ANKMY1: variants seen among roughly 807,000 people sequenced by gnomAD.
ANKMY1 encodes the protein ankyrin repeat and MYND domain containing 1.
In ANKMY1, 98 loss-of-function variants were observed where a neutral mutation model predicts 102.0. That is an observed-to-expected ratio of 0.96 (90% confidence interval 0.82 to 1.14). The LOEUF is 1.14. Ranked by LOEUF, ANKMY1 falls within the 50% of genes most tolerant of loss-of-function variation. The pLI, the probability that ANKMY1 is intolerant of heterozygous loss-of-function variation, is 0.00. For synonymous variants in ANKMY1, 582 were observed against 559.9 expected (o/e 1.04, Z -0.56); for missense variants, 1,330 against 1,347.6 (o/e 0.99, Z 0.20).
chr2:240,553,064 G>A lies in ANKMY1; in HGVS notation c.337-7C>T, dbSNP rs755311374. The A allele has an allele frequency of 3.7e-6, 6 of 1,610,980 alleles. No homozygotes were observed. Among genetic ancestry groups the A allele is most frequent in the Non-Finnish European group, 5.1e-6 (6 of 1,177,566 alleles). On this transcript the variant is annotated splice_polypyrimidine_tract_variant and splice_region_variant and intron_variant, in intron 3 of 17. Coordinates refer to ENST00000401804, the MANE Select transcript of ANKMY1 (RefSeq NM_001282771.3). Reference sequence around the variant, plus strand: ...AAAACTGCCCATGGTATGACTGTGAGATGGAGAAGTTGGTGAGAAATTGCT... The same window carrying A: ...AAAACTGCCCATGGTATGACTGTGAAATGGAGAAGTTGGTGAGAAATTGCT...
In ANKMY1 at chr2:240,517,580, C is replaced by T. The variant is rs141851279; in HGVS notation, c.2004+2782G>A. Among the ~76,000 whole-genome samples the T allele has an allele frequency of 2.5e-3, 375 of 152,212 alleles. 1 individual carries two copies. The highest frequency in any genetic ancestry group is 3.2e-3 in the Non-Finnish European group (220 of 68,002). Reference sequence around the variant, plus strand: ...ACCCTAGCACTTCGGGAGGCCAAGGCGGGAGGACTGCTTGAGTCCAGGAGT... The same window carrying T: ...ACCCTAGCACTTCGGGAGGCCAAGGTGGGAGGACTGCTTGAGTCCAGGAGT... On this transcript the variant is annotated intron_variant, in intron 9 of 17. Coordinates refer to ENST00000401804, the MANE Select transcript of ANKMY1 (RefSeq NM_001282771.3).
intron 12 of ANKMY1, 79 bp downstream of exon 12, chr2:240,509,269 C>T: frequency 8.3e-7 from 1 of 1,204,414 alleles, no homozygotes. Flanking sequence ...ACTTCAAATC[C>T]CAATGACGGA....
At chr2:240,542,230 A>AGGCATAGT (rs1392099200) in intron 4 of ANKMY1, among the ~76,000 whole-genome samples, 1 of 151,016 alleles carries the variant, frequency 6.6e-6, no homozygotes, top group Non-Finnish European at 1.5e-5. Context: ...AAAAAGGGCC[A>AGGCATAGT]GGCATAGTGG....
intron 9 of ANKMY1, among the ~76,000 whole-genome samples, chr2:240,516,150 GT>G (rs386393036): frequency 1.6e-4 from 23 of 145,238 alleles, no homozygotes; most frequent in South Asian, 4.3e-4. Context: ...TTTTTGTGGG[GT>G]TTTTTTTTTT....
At chr2:240,534,554 G>A (rs1163916488) in intron 4 of ANKMY1, among the ~76,000 whole-genome samples, 1 of 150,730 alleles carries the variant, frequency 6.6e-6, no homozygotes, top group Non-Finnish European at 1.5e-5. Flanking sequence ...GCGAGCCGTG[G>A]TCACACCACT....
At position 240,507,542 on chromosome 2, in the gene ANKMY1, C is replaced by A. The variant is rs368319634; in HGVS notation, c.2526+18G>T. The A allele has an allele frequency of 2.5e-6, 4 of 1,596,512 alleles. No homozygotes were observed. In the African/African-American group the frequency reaches 5.4e-5, roughly 21 times the overall value. On this transcript the variant is annotated intron_variant, in intron 13 of 17. Coordinates refer to ENST00000401804, the MANE Select transcript of ANKMY1 (RefSeq NM_001282771.3). ...TCAAACCCCCTCACCAGGGCCACCC[C>A]AGCCTCCTGCCCCTCACCAGGGCCA...
intron 4 of ANKMY1, among the ~76,000 whole-genome samples, chr2:240,538,357 G>A (rs1328461146): frequency 6.6e-6 from 1 of 152,196 alleles, no homozygotes; most frequent in Non-Finnish European, 1.5e-5. Flanking sequence ...CGTGGGCTCG[G>A]GGGGCCCACA....
At chr2:240,497,957 C>T (rs1427577724) in intron 15 of ANKMY1, among the ~76,000 whole-genome samples, 1 of 152,190 alleles carries the variant, frequency 6.6e-6, no homozygotes, top group South Asian at 2.1e-4. Context: ...CCTGGTCCTC[C>T]GCTCATGGGC....
upstream of ANKMY1, chr2:240,560,971 G>C: frequency 6.6e-7 from 1 of 1,518,226 alleles, no homozygotes; most frequent in Non-Finnish European, 8.7e-7. Context: ...GTGCGCGCCG[G>C]CGGCGCCTGC....
At chr2:240,558,062 C>G, upstream of ANKMY1, 1 of 858,544 alleles carries the variant, frequency 1.2e-6, no homozygotes, top group Non-Finnish European at 1.4e-6. Context: ...CCAATCCCCC[C>G]GCCAGGACGC....
chr2:240,533,926 C>G (rs1008642085), intron 4 of ANKMY1, among the ~76,000 whole-genome samples: 1 of 152,190 alleles, frequency 6.6e-6, no homozygotes, highest in African/African-American at 2.4e-5. Context: ...TCCACAGTTT[C>G]AGTTACTCAT....
intron 4 of ANKMY1, among the ~76,000 whole-genome samples, chr2:240,546,007 G>A (rs1158322479): frequency 1.3e-5 from 2 of 151,952 alleles, no homozygotes; most frequent in Non-Finnish European, 2.9e-5. Context: ...GAAATACAGA[G>A]AACGCCACAA....
In ANKMY1 at chr2:240,479,505, G is replaced by T. The variant is rs940096224; in HGVS notation, c.*104C>A. 46 of 1,380,240 alleles carry T rather than the reference G, an allele frequency of 3.3e-5. No individual in the cohort carries two copies. In the African/African-American group the frequency reaches 6.3e-4, roughly 19 times the overall value. 85.5% of individuals were successfully genotyped at this position (1,380,240 alleles called of 1,614,324 possible). On this transcript the variant is annotated 3_prime_UTR_variant, in exon 18 of 18. Coordinates refer to ENST00000401804, the MANE Select transcript of ANKMY1 (RefSeq NM_001282771.3). ...TACAAAGCATGACCCCAAAGGTGCA[G>T]AAATGCCTGCATTAGGCTGGAAGAT... is the stretch of plus-strand genomic sequence containing the variant.
chr2:240,520,026 A>AATAT lies in ANKMY1; in HGVS notation c.2004+335_2004+336insATAT, dbSNP rs1559307030. On this transcript the variant is annotated intron_variant, in intron 9 of 17. Transcript: ENST00000401804. The surrounding 1 kb of genome is among the most constrained non-coding windows in gnomAD (Gnocchi z 4.8). ...TCCTTGTGATGCTGAGCGTGGGTTGAAAGGAGGCCCGCCTCCTCCTGAATA... is the reference window on the plus strand; with the variant it reads ...TCCTTGTGATGCTGAGCGTGGGTTGAATATAAGGAGGCCCGCCTCCTCCTGAATA... The AATAT allele has an allele frequency of 3.8e-6, 2 of 529,394 alleles. No homozygotes were observed. The highest frequency in any genetic ancestry group is 1.0e-4 in the East Asian group (2 of 19,968). 32.8% of individuals were successfully genotyped at this position (529,394 alleles called of 1,614,324 possible).
intron 17 of ANKMY1, 105 bp downstream of exon 17, chr2:240,480,832 G>A: frequency 7.0e-7 from 1 of 1,431,366 alleles, no homozygotes; most frequent in South Asian, 1.5e-5. Flanking sequence ...CCTGAATCTG[G>A]AGAGATTTTG....
chr2:240,535,995 T>A (rs1249920492), intron 4 of ANKMY1, among the ~76,000 whole-genome samples: 1 of 151,976 alleles, frequency 6.6e-6, no homozygotes, highest in African/African-American at 2.4e-5. Context: ...ATAAAGCAAG[T>A]CTCTAAGTTT....
Position 240,520,429 on chromosome 2 carries a change from C to T in ANKMY1, c.1937G>A (p.Gly646Glu). The T allele has an allele frequency of 6.2e-7, 1 of 1,611,720 alleles. No homozygotes were observed. Among genetic ancestry groups the T allele is most frequent in the East Asian group, 2.2e-5 (1 of 44,812 alleles). ...MQVLFLAVKA[G>E]DVDGVRLLLE... ...CAGCAGCCTCACCCCATCCACGTCCCCGGCCTTCACAGCAAGGAACAGGAC... is the reference window on the plus strand; with the variant it reads ...CAGCAGCCTCACCCCATCCACGTCCTCGGCCTTCACAGCAAGGAACAGGAC... The change falls in exon 9 of 18, where the codon GGG becomes GAG. Residue 646 changes from glycine to glutamate, a missense_variant. Physicochemically the swap from Gly to Glu is moderately conservative, Grantham distance 98. Transcript: ENST00000401804. The surrounding 1 kb of genome is among the most constrained non-coding windows in gnomAD (Gnocchi z 4.8).
In ANKMY1 at chr2:240,482,097, G is replaced by C. The variant is rs1031638179; in HGVS notation, c.2885+86C>G. The C allele has an allele frequency of 2.8e-6, 4 of 1,434,288 alleles. No individual in the cohort carries two copies. In the African/African-American group the frequency reaches 5.8e-5, roughly 21 times the overall value. 88.8% of individuals were successfully genotyped at this position (1,434,288 alleles called of 1,614,324 possible). A position where few individuals can be genotyped will look rare whatever the true frequency, so the allele number is the denominator to read the frequency against. On this transcript the variant is annotated intron_variant, in intron 16 of 17. Coordinates refer to ENST00000401804, the MANE Select transcript of ANKMY1 (RefSeq NM_001282771.3). The stretch of plus-strand genomic sequence containing the variant: ...TCAGATGGCATGGAGGCTGTCCCGG[G>C]ATGAGGTGGTCAGGCCAGGCACAAC...
chr2:240,545,836 G>A (rs1252350981), intron 4 of ANKMY1, among the ~76,000 whole-genome samples: 1 of 152,200 alleles, frequency 6.6e-6, no homozygotes, highest in Admixed American at 6.5e-5. Flanking sequence ...AACGAGCAAA[G>A]CCTCCAAGAA....
Sources: allele counts gnomAD v4.1 joint callset (sites outside exome capture counted in the v4.1 genomes callset), GRCh38; gene constraint gnomAD v4.1.1; non-coding constraint Gnocchi (gnomAD v3.1); transcripts MANE v1.5; gene names NCBI Gene and HGNC (gene_info 2026-07-23, HGNC 2026-07-21).